The following FARS2 variants were observed in gnomAD, a reference collection of about 807,000 sequenced individuals.
FARS2 encodes the protein phenylalanyl-tRNA synthetase 2, mitochondrial.
FARS2 carries 40 observed loss-of-function variants against 46.4 expected under a neutral mutation model. The ratio of observed to expected loss-of-function variants is 0.86; its 90% CI spans 0.67 to 1.12. FARS2 has a LOEUF of 1.12. Among genes scored for constraint, FARS2 ranks in the 50% most tolerant of loss-of-function variants. The pLI, the probability that FARS2 is intolerant of heterozygous loss-of-function variation, is 0.00. For synonymous variants in FARS2, 234 were observed against 214.9 expected (o/e 1.09, Z -0.78); for missense variants, 513 against 567.9 (o/e 0.90, Z 0.98).
At chr6:5,284,556 A>G (rs931778674) in intron 1 of FARS2, among the ~76,000 whole-genome samples, 2 of 152,188 alleles carry the variant, frequency 1.3e-5, no homozygotes, top group African/African-American at 4.8e-5. Context: ...AGATTTCTGC[A>G]TATAGATCAT....
chr6:5,355,401 C>CA (rs1355113996), intron 1 of FARS2, among the ~76,000 whole-genome samples: 30 of 136,280 alleles, frequency 2.2e-4, no homozygotes, highest in African/African-American at 8.1e-4. Context: ...GAGACAGTCT[C>CA]ACTCTGTCAC....
intron 2 of FARS2, among the ~76,000 whole-genome samples, chr6:5,387,355 T>C (rs1283362410): frequency 6.6e-6 from 1 of 152,122 alleles, no homozygotes. Context: ...AAGGTAGGAA[T>C]GAAGGATTGA....
chr6:5,321,017 A>T (rs1259499942), intron 1 of FARS2, among the ~76,000 whole-genome samples: 2 of 152,248 alleles, frequency 1.3e-5, no homozygotes, highest in African/African-American at 4.8e-5. Context: ...AAGTTACATA[A>T]GATTCATCTC....
chr6:5,325,188 G>A (rs1360992457), intron 1 of FARS2, among the ~76,000 whole-genome samples: 1 of 152,206 alleles, frequency 6.6e-6, no homozygotes, highest in Non-Finnish European at 1.5e-5. Flanking sequence ...TAAGCTGGGA[G>A]CTCTGGTGGG....
chr6:5,318,791 G>A (rs568057613), intron 1 of FARS2, among the ~76,000 whole-genome samples: 7 of 152,130 alleles, frequency 4.6e-5, no homozygotes, highest in South Asian at 4.2e-4. Context: ...GAGTAGGTCC[G>A]CAACCAGTCT....
intron 6 of FARS2, among the ~76,000 whole-genome samples, chr6:5,640,985 T>G (rs1267927845): frequency 6.6e-6 from 1 of 152,186 alleles, no homozygotes; most frequent in East Asian, 1.9e-4. Flanking sequence ...TCCCTTTAGG[T>G]TGACATGGCT....
chr6:5,556,416 T>TTGTA (rs1408708394), intron 5 of FARS2, among the ~76,000 whole-genome samples: 29 of 152,062 alleles, frequency 1.9e-4, no homozygotes, highest in Middle Eastern at 3.4e-3. Context: ...CTCCTGATTC[T>TTGTA]CAGTCCCTTG....
rs532833502 is a variant in FARS2 at position 5,561,297 on chromosome 6, C to T, written c.1065+15957C>T. Among the ~76,000 whole-genome samples the T allele has an allele frequency of 6.4e-4, 97 of 151,966 alleles. 1 individual carries two copies. In the East Asian group the frequency reaches 0.014, roughly 23 times the overall value. ...CACTGTTTTTTTTGGCATATCAAAC[C>T]TCTTAGAGTTTGCTTTTCTTCTTAA... is the stretch of plus-strand genomic sequence containing the variant. On this transcript the variant is annotated intron_variant, in intron 5 of 6. Coordinates refer to ENST00000274680, the MANE Select transcript of FARS2 (RefSeq NM_006567.5).
At chr6:5,411,682 C>G (rs1761948458) in intron 3 of FARS2, among the ~76,000 whole-genome samples, 1 of 152,166 alleles carries the variant, frequency 6.6e-6, no homozygotes, top group Admixed American at 6.5e-5. Flanking sequence ...GCTTTAGTTT[C>G]AGGTTTTTTT....
At chr6:5,428,865 C>T (rs185231984) in intron 3 of FARS2, among the ~76,000 whole-genome samples, 88 of 152,054 alleles carry the variant, frequency 5.8e-4, no homozygotes, top group Admixed American at 2.7e-3. Context: ...TTTTTTTTCC[C>T]AGTTAGAAAA....
At chr6:5,652,579 A>C (rs1309461696) in intron 6 of FARS2, among the ~76,000 whole-genome samples, 1 of 152,246 alleles carries the variant, frequency 6.6e-6, no homozygotes, top group African/African-American at 2.4e-5. Context: ...CACCTCTCTC[A>C]GAATGGCCCG....
chr6:5,674,193 TAAAAAAAAAA>T (rs71540878), intron 6 of FARS2, among the ~76,000 whole-genome samples: 6 of 76,354 alleles, frequency 7.9e-5, no homozygotes, highest in South Asian at 5.9e-4. Context: ...GCATTCTCAT[TAAAAAAAAAA>T]AAAAAAAAAA....
At chr6:5,484,950 G>C (rs418040) in intron 4 of FARS2, among the ~76,000 whole-genome samples, 6,088 of 152,286 alleles carry the variant, frequency 0.04, 406 homozygotes, top group African/African-American at 0.14. Context: ...GAAAAAGCCA[G>C]ATTAGACACT....
chr6:5,342,657 C>T (rs1051597796), intron 1 of FARS2, among the ~76,000 whole-genome samples: 6 of 151,302 alleles, frequency 4.0e-5, no homozygotes, highest in Non-Finnish European at 5.9e-5. Flanking sequence ...GAGGCTGAGG[C>T]GGGAGAATTG....
Position 5,634,982 on chromosome 6 carries a change from T to C in FARS2, c.1217+21662T>C, listed in dbSNP as rs560830147. 1.1e-3 allele frequency among the ~76,000 whole-genome samples: 168 copies of C among 152,362 alleles called. 1 individual carries two copies. The highest frequency in any genetic ancestry group is 3.8e-3 in the African/African-American group (157 of 41,594). Reference sequence around the variant, plus strand: ...GAAGGAATGGAATATGAAGTCTTTGTAGAGTAGTGGCTACAGCACTGGCTT... The same window carrying C: ...GAAGGAATGGAATATGAAGTCTTTGCAGAGTAGTGGCTACAGCACTGGCTT... On this transcript the variant is annotated intron_variant, in intron 6 of 6. Coordinates refer to ENST00000274680, the MANE Select transcript of FARS2 (RefSeq NM_006567.5).
intron 2 of FARS2, among the ~76,000 whole-genome samples, chr6:5,386,652 C>T (rs1760153297): frequency 6.6e-6 from 1 of 152,044 alleles, no homozygotes; most frequent in Non-Finnish European, 1.5e-5. Flanking sequence ...TTTTATCCCT[C>T]TACATGGGGA....
chr6:5,644,604 G>C (rs562338636), intron 6 of FARS2, among the ~76,000 whole-genome samples: 1 of 152,152 alleles, frequency 6.6e-6, no homozygotes, highest in African/African-American at 2.4e-5. Context: ...AGCATCTTTA[G>C]CCCACCTTGG....
At chr6:5,652,934 G>A (rs1460257482) in intron 6 of FARS2, among the ~76,000 whole-genome samples, 1 of 152,176 alleles carries the variant, frequency 6.6e-6, no homozygotes, top group Non-Finnish European at 1.5e-5. Context: ...CTCCAACTAG[G>A]GCAAGAGGCC....
At chr6:5,462,793 C>T (rs978106656) in intron 4 of FARS2, among the ~76,000 whole-genome samples, 6 of 152,192 alleles carry the variant, frequency 3.9e-5, no homozygotes, top group Non-Finnish European at 8.8e-5. Flanking sequence ...GGCTATTCTA[C>T]TGCCTTTGTA....
Sources: allele counts gnomAD v4.1 joint callset (sites outside exome capture counted in the v4.1 genomes callset), GRCh38; gene constraint gnomAD v4.1.1; transcripts MANE v1.5; gene names NCBI Gene and HGNC (gene_info 2026-07-23, HGNC 2026-07-21).